MYO16: variants seen among roughly 807,000 people sequenced by gnomAD.
MYO16 encodes the protein myosin XVI, also known as unconventional myosin-XVI.
A neutral mutation model predicts 205.3 loss-of-function variants in MYO16; 94 were observed. That is an observed-to-expected ratio of 0.46 (90% CI 0.39 to 0.54). The LOEUF is 0.54. Among genes scored for constraint, MYO16 ranks in the 20% least tolerant of loss-of-function variants. The probability of loss-of-function intolerance (pLI) is 0.00; values close to 1 mark genes in which losing one functional copy is unlikely to be tolerated. For synonymous variants in MYO16, 988 were observed against 954.0 expected, an observed-to-expected ratio of 1.04 and a Z score of -0.66; for missense variants, 2,315 against 2,387.5, an observed-to-expected ratio of 0.97 and a Z score of 0.63.
intron 12 of MYO16, among the ~76,000 whole-genome samples, chr13:108,872,728 A>G (rs1879130128): frequency 6.6e-6 from 1 of 151,986 alleles, no homozygotes; most frequent in Admixed American, 6.6e-5. Flanking sequence ...ATATATACAC[A>G]CACACACCAC....
chr13:108,631,270 C>T (rs1015890214), intron 1 of MYO16, among the ~76,000 whole-genome samples: 10 of 152,282 alleles, frequency 6.6e-5, no homozygotes, highest in African/African-American at 2.4e-4. Flanking sequence ...ACATTGAACA[C>T]ACCTGGTGGA....
chr13:109,019,849 A>C lies in MYO16; in HGVS notation c.2734A>C (p.Asn912His). ...GGTGTACTCCCCCATGAAGGATGGG[A>C]ATGGGAATGTTGCCCTCAAAGACCA... is the stretch of plus-strand genomic sequence containing the variant. ...NAVYSPMKDG[N>H]GNVALKDHGT... Residue 912 changes from asparagine to histidine, a missense_variant, in exon 23 of 35, where the codon AAT becomes CAT. Around this residue, in one of 3 missense-constraint regions of MYO16, gnomAD observed 1,213 missense variants for 1,274.4 expected, o/e 0.95. Transcript: ENST00000457511. The C allele has an allele frequency of 6.2e-7, 1 of 1,614,128 alleles. No homozygotes were observed. Among genetic ancestry groups the C allele is most frequent in the Non-Finnish European group, 8.5e-7 (1 of 1,179,992 alleles).
At chr13:108,653,324 C>T (rs1305443613) in intron 1 of MYO16, among the ~76,000 whole-genome samples, 1 of 152,046 alleles carries the variant, frequency 6.6e-6, no homozygotes, top group African/African-American at 2.4e-5. Flanking sequence ...TATTTTCTCC[C>T]ATTCTGTAAG....
rs764608190 is a variant in MYO16, at chr13:108,844,490, G to T, written c.1245G>T (p.Glu415Asp). 1.9e-5 allele frequency: 31 copies of T among 1,604,730 alleles called. No individual in the cohort carries two copies. In the South Asian group the frequency reaches 3.5e-4, roughly 18 times the overall value. The change falls in exon 10 of 35, where the codon GAG becomes GAT. Residue 415 changes from glutamate (E) to aspartate (D), a missense_variant. Physicochemically the swap from Glu to Asp is conservative, Grantham distance 45. Coordinates refer to ENST00000457511, the MANE Select transcript of MYO16 (RefSeq NM_001198950.3). ...TGATGAGCGGTTCCACCAAACCCGA[G>T]CAGGTAATCATGCTTTCACTGTGTG... is the stretch of plus-strand genomic sequence containing the variant. ...NPMMSGSTKP[E>D]QVKLMPPAPN...
intron 21 of MYO16, among the ~76,000 whole-genome samples, chr13:109,008,395 C>T (rs1199530371): frequency 1.4e-5 from 2 of 144,778 alleles, no homozygotes; most frequent in Non-Finnish European, 3.0e-5. Context: ...ACTGTACTAT[C>T]TTGTGTATGC....
chr13:108,927,525 C>T (rs7490839), intron 16 of MYO16, among the ~76,000 whole-genome samples: 7,843 of 152,228 alleles, frequency 0.052, 274 homozygotes, highest in African/African-American at 0.08. Flanking sequence ...CTTCCCAGAA[C>T]ACCCAAAGAC....
intron 1 of MYO16, among the ~76,000 whole-genome samples, chr13:108,640,405 T>C (rs987853819): frequency 1.3e-5 from 2 of 151,928 alleles, no homozygotes; most frequent in Non-Finnish European, 2.9e-5. Context: ...TGAGCTGCAA[T>C]TGGAAGGGAA....
At chr13:109,062,735 T>C (rs1887631682) in intron 27 of MYO16, among the ~76,000 whole-genome samples, 2 of 152,122 alleles carry the variant, frequency 1.3e-5, no homozygotes, top group African/African-American at 2.4e-5. Flanking sequence ...TAGCATATTT[T>C]AGTATTTCTT....
chr13:108,916,694 G>A (rs1881508703), intron 16 of MYO16, among the ~76,000 whole-genome samples: 1 of 152,170 alleles, frequency 6.6e-6, no homozygotes, highest in Non-Finnish European at 1.5e-5. Context: ...GACTACCTGT[G>A]TAAGTTAGCA....
intron 20 of MYO16, among the ~76,000 whole-genome samples, chr13:108,972,081 A>T (rs1251617175): frequency 6.7e-6 from 1 of 148,328 alleles, no homozygotes; most frequent in Non-Finnish European, 1.5e-5. Flanking sequence ...GATGGTACAT[A>T]CCTGTGGTCC....
chr13:109,053,106 C>A lies in MYO16; in HGVS notation c.3048+631C>A, dbSNP rs540218444. 7.2e-5 allele frequency among the ~76,000 whole-genome samples: 11 copies of A among 152,192 alleles called. No individual in the cohort carries two copies. In the South Asian group the frequency reaches 2.1e-3, roughly 29 times the overall value. Reference sequence around the variant, plus strand: ...GAATGTTTTAGGTTTCTTCAGAATCCAGTGCCAGATGGTATTCCAGAGTGT... The same window carrying A: ...GAATGTTTTAGGTTTCTTCAGAATCAAGTGCCAGATGGTATTCCAGAGTGT... On this transcript the variant is annotated intron_variant, in intron 25 of 34. Coordinates refer to ENST00000457511, the MANE Select transcript of MYO16 (RefSeq NM_001198950.3).
chr13:109,030,313 G>A (rs1222992424), intron 23 of MYO16, among the ~76,000 whole-genome samples: 1 of 152,142 alleles, frequency 6.6e-6, no homozygotes, highest in African/African-American at 2.4e-5. Flanking sequence ...CAGATAGAAA[G>A]CTGAAACCAG....
chr13:108,593,078 T>G (rs78008555), upstream of MYO16, among the ~76,000 whole-genome samples: 1,729 of 152,192 alleles, frequency 0.011, 26 homozygotes, highest in African/African-American at 0.037. Flanking sequence ...AATGAACGCT[T>G]GCACTGTCAT....
At chr13:108,605,919 A>G (rs1253795818) in intron 1 of MYO16, among the ~76,000 whole-genome samples, 1 of 152,162 alleles carries the variant, frequency 6.6e-6, no homozygotes, top group African/African-American at 2.4e-5. Flanking sequence ...AGACTAGCTG[A>G]ATTGTTCTGA....
intron 16 of MYO16, 122 bp from the exon 17 acceptor site, chr13:108,957,566 G>A (rs1883418611): frequency 1.6e-6 from 1 of 630,238 alleles, no homozygotes; most frequent in African/African-American, 1.8e-5. Context: ...GAAAACACGT[G>A]GGGACACCAT....
At chr13:108,924,501 A>G (rs1311225936) in intron 16 of MYO16, among the ~76,000 whole-genome samples, 1 of 152,230 alleles carries the variant, frequency 6.6e-6, no homozygotes, top group Non-Finnish European at 1.5e-5. Context: ...GAACTTCAAT[A>G]GGAAGAAATG....
chr13:109,125,052 G>T lies in MYO16; in HGVS notation c.3536-60G>T. On this transcript the variant is annotated intron_variant, in intron 29 of 34. Coordinates refer to ENST00000457511, the MANE Select transcript of MYO16 (RefSeq NM_001198950.3). This position sits in a 1 kb window ranked among gnomAD's most constrained non-coding sequence, Gnocchi z 4.0. ...GATAAGTATATTATGATTTTTGTTTGTGCATGTCTGAGTTTTTCACTTTTC... is the reference window on the plus strand; with the variant it reads ...GATAAGTATATTATGATTTTTGTTTTTGCATGTCTGAGTTTTTCACTTTTC... 1 of 1,556,788 alleles carries T rather than the reference G, an allele frequency of 6.4e-7. No homozygotes were observed.
chr13:108,687,925 A>G (rs549343696), intron 2 of MYO16, among the ~76,000 whole-genome samples: 1 of 152,330 alleles, frequency 6.6e-6, no homozygotes, highest in South Asian at 2.1e-4. Flanking sequence ...TTGGACTGTG[A>G]GAACGATGAG....
chr13:108,647,874 G>T (rs1011179703), intron 1 of MYO16, among the ~76,000 whole-genome samples: 9 of 152,196 alleles, frequency 5.9e-5, no homozygotes, highest in African/African-American at 1.9e-4. Flanking sequence ...AGATTTGAAT[G>T]ATTGAATACA....
Sources: gnomAD v4.1 joint callset for allele counts (sites outside exome capture counted in the v4.1 genomes callset) on GRCh38, gnomAD v4.1.1 for gene constraint, gnomAD v4.1.1 regional missense constraint, Gnocchi (gnomAD v3.1) non-coding constraint, MANE v1.5 for transcripts, NCBI Gene and HGNC (gene_info 2026-07-23, HGNC 2026-07-21) for gene names.